Variants in PTPRM observed in about 807,000 individuals in gnomAD.
PTPRM encodes protein tyrosine phosphatase receptor type M.
A neutral mutation model predicts 186.7 loss-of-function variants in PTPRM; 47 were observed. The observed-to-expected ratio is 0.25, with a 90% confidence interval of 0.20 to 0.32. The LOEUF (loss-of-function observed/expected upper bound fraction) is 0.32, where lower values mean the gene tolerates loss of function less well. PTPRM is among the 10% of genes least tolerant of loss of function. PTPRM has a pLI of 1.00. For missense variants in PTPRM, 1,494 were observed against 1,865.0 expected (o/e 0.80, Z 3.66); for synonymous variants, 668 against 674.9 (o/e 0.99, Z 0.16).
intron 1 of PTPRM, among the ~76,000 whole-genome samples, chr18:7,581,996 C>G (rs76647361): frequency 0.039 from 5,954 of 152,146 alleles, 142 homozygotes; most frequent in South Asian, 0.085. Context: ...AATCTTTTGG[C>G]TAAGCAAATT....
chr18:7,706,369 G>A (rs1460802044), intron 1 of PTPRM, among the ~76,000 whole-genome samples: 2 of 151,750 alleles, frequency 1.3e-5, no homozygotes, highest in Non-Finnish European at 1.5e-5. Flanking sequence ...AGCCAAGATG[G>A]GAGGATCACT....
intron 7 of PTPRM, among the ~76,000 whole-genome samples, chr18:8,024,244 A>AT (rs554938247): frequency 6.6e-5 from 10 of 150,528 alleles, no homozygotes; most frequent in Non-Finnish European, 1.0e-4. Context: ...TTGTTAGTTG[A>AT]TTTTTTTTTC....
chr18:7,589,048 GT>G (rs1437403512), intron 1 of PTPRM, among the ~76,000 whole-genome samples: 1 of 152,072 alleles, frequency 6.6e-6, no homozygotes, highest in Admixed American at 6.6e-5. Flanking sequence ...GTATTTCACT[GT>G]GTTCTCCAGG....
intron 14 of PTPRM, among the ~76,000 whole-genome samples, chr18:8,226,827 G>A (rs1330326090): frequency 6.6e-6 from 1 of 152,164 alleles, no homozygotes; most frequent in Non-Finnish European, 1.5e-5. Flanking sequence ...GTTCCTTTCT[G>A]GGACTCTAAG....
rs150972204 is a variant in PTPRM, at chr18:7,863,849, T to G, written c.197-24257T>G. The stretch of plus-strand genomic sequence containing the variant: ...AAAGCATTCCTATTTCTCCACATCC[T>G]CTCCAGCATCTATTGTTTCCTGAGT... On this transcript the variant is annotated intron_variant, in intron 2 of 32. Transcript: ENST00000580170. Among the ~76,000 whole-genome samples, 1,499 of 152,304 alleles carry G rather than the reference T, an allele frequency of 9.8e-3. 43 individuals carry two copies. In the East Asian group the frequency reaches 0.12, roughly 12 times the overall value.
intron 7 of PTPRM, among the ~76,000 whole-genome samples, chr18:8,043,448 AATT>A (rs1456083308): frequency 2.0e-5 from 3 of 152,014 alleles, no homozygotes; most frequent in Admixed American, 6.6e-5. Flanking sequence ...GCCCTCTTTC[AATT>A]ATTTGGTCCT....
At chr18:8,195,152 CTTTTTTTTTTTTTT>C (rs1164451439) in intron 14 of PTPRM, among the ~76,000 whole-genome samples, 1 of 117,066 alleles carries the variant, frequency 8.5e-6, no homozygotes, top group African/African-American at 3.2e-5. Flanking sequence ...CTTAGAAGTT[CTTTTTTTTTTTTTT>C]TTTTTTTTTA....
chr18:7,743,889 G>A lies in PTPRM; in HGVS notation c.74-30260G>A, dbSNP rs541347228. Among the ~76,000 whole-genome samples, 8 of 152,252 alleles carry A rather than the reference G, an allele frequency of 5.3e-5. No individual in the cohort carries two copies. The South Asian group carries it at 1.7e-3, about 32-fold the overall frequency. ...TAGTAGCTGTTATTCAGAGCTTAGT[G>A]TGCTCTTTTCTAAGAGGCTTCATGA... On this transcript the variant is annotated intron_variant, in intron 1 of 32. Coordinates refer to ENST00000580170, the MANE Select transcript of PTPRM (RefSeq NM_001105244.2).
chr18:7,894,979 T>C (rs1426943063), intron 3 of PTPRM, among the ~76,000 whole-genome samples: 1 of 152,200 alleles, frequency 6.6e-6, no homozygotes, highest in East Asian at 1.9e-4. Flanking sequence ...CACTAGTAAG[T>C]AGTTTTGATA....
intron 2 of PTPRM, among the ~76,000 whole-genome samples, chr18:7,843,142 A>G (rs537773783): frequency 6.6e-6 from 1 of 152,154 alleles, no homozygotes; most frequent in African/African-American, 2.4e-5. Flanking sequence ...CACACAGCTT[A>G]TAACTGGCAA....
At chr18:8,211,308 T>G (rs1475625664) in intron 14 of PTPRM, among the ~76,000 whole-genome samples, 1 of 150,522 alleles carries the variant, frequency 6.6e-6, no homozygotes, top group East Asian at 1.9e-4. Context: ...CACAGTCATC[T>G]CAGCATCAGA....
At chr18:8,316,210 C>G (rs993401964) in intron 21 of PTPRM, among the ~76,000 whole-genome samples, 3 of 152,214 alleles carry the variant, frequency 2.0e-5, no homozygotes, top group Admixed American at 1.3e-4. Context: ...CCAGTCCCAG[C>G]TCCTGCAGTC....
At chr18:8,400,224 G>T (rs1415843896) in intron 32 of PTPRM, among the ~76,000 whole-genome samples, 1 of 152,220 alleles carries the variant, frequency 6.6e-6, no homozygotes, top group African/African-American at 2.4e-5. Context: ...GCCCACTGAA[G>T]TCATCTGGGA....
intron 1 of PTPRM, among the ~76,000 whole-genome samples, chr18:7,677,743 G>A (rs1360105465): frequency 3.3e-5 from 5 of 152,048 alleles, no homozygotes; most frequent in African/African-American, 4.8e-5. Context: ...TGCCTGAAAT[G>A]CTCTGTGCCC....
chr18:7,863,431 T>C (rs532175534), intron 2 of PTPRM, among the ~76,000 whole-genome samples: 397 of 152,184 alleles, frequency 2.6e-3, no homozygotes, highest in Non-Finnish European at 4.5e-3. Flanking sequence ...CTCCCTCTTA[T>C]GTGGGAGAAC....
chr18:7,939,761 A>C (rs1247212222), intron 5 of PTPRM, among the ~76,000 whole-genome samples: 1 of 152,190 alleles, frequency 6.6e-6, no homozygotes, highest in Admixed American at 6.5e-5. Flanking sequence ...TGTCTCTCCC[A>C]GTGAACTCTC....
chr18:8,304,817 CT>C (rs1222496055), intron 20 of PTPRM, among the ~76,000 whole-genome samples: 2 of 65,538 alleles, frequency 3.1e-5, no homozygotes, highest in Non-Finnish European at 6.1e-5. Flanking sequence ...AAGCTGTTGA[CT>C]TTATTTTTTT....
At chr18:7,722,870 A>G (rs529443336) in intron 1 of PTPRM, among the ~76,000 whole-genome samples, 2 of 152,224 alleles carry the variant, frequency 1.3e-5, no homozygotes, top group Non-Finnish European at 2.9e-5. Flanking sequence ...TTTTAGACCT[A>G]TGAGAAGGTG....
intron 1 of PTPRM, among the ~76,000 whole-genome samples, chr18:7,689,287 C>T (rs2039680701): frequency 6.6e-6 from 1 of 152,138 alleles, no homozygotes; most frequent in African/African-American, 2.4e-5. Flanking sequence ...TGTAGAAGTC[C>T]CTGAGTTCTA....
Sources: allele counts gnomAD v4.1 joint callset (sites outside exome capture counted in the v4.1 genomes callset), GRCh38; gene constraint gnomAD v4.1.1; transcripts MANE v1.5; gene names NCBI Gene and HGNC (gene_info 2026-07-23, HGNC 2026-07-21).